GRIA4: variants seen among roughly 807,000 people sequenced by gnomAD.
GRIA4 encodes the protein glutamate ionotropic receptor AMPA type subunit 4.
Under a neutral mutation model 104.0 loss-of-function variants are expected in GRIA4, and 34 were observed. The observed-to-expected ratio is 0.33, with a 90% CI of 0.25 to 0.44. The LOEUF (loss-of-function observed/expected upper bound fraction) is 0.44. GRIA4 is among the 20% of genes least tolerant of loss of function. The pLI, the probability that GRIA4 is intolerant of heterozygous loss-of-function variation, is 1.00. For synonymous variants in GRIA4, 386 were observed against 381.9 expected (o/e 1.01, Z -0.13); for missense variants, 750 against 1,096.5 (o/e 0.68, Z 4.46).
intron 3 of GRIA4, among the ~76,000 whole-genome samples, chr11:105,750,601 A>G (rs1015336398): frequency 6.6e-6 from 1 of 152,180 alleles, no homozygotes; most frequent in African/African-American, 2.4e-5. Flanking sequence ...ATAATAAATT[A>G]AAATATTAAA....
intron 13 of GRIA4, among the ~76,000 whole-genome samples, chr11:105,933,131 A>G (rs1348002619): frequency 1.3e-5 from 2 of 151,894 alleles, no homozygotes; most frequent in Non-Finnish European, 1.5e-5. Context: ...AGTCCAAGCT[A>G]TGCAGGAGGC....
At chr11:105,637,188 A>G (rs986698110) in intron 3 of GRIA4, among the ~76,000 whole-genome samples, 2 of 133,552 alleles carry the variant, frequency 1.5e-5, no homozygotes, top group African/African-American at 5.8e-5. Flanking sequence ...ATGAGGTATG[A>G]TTAGAAGCTT....
At chr11:105,690,896 AGT>A (rs1953060529) in intron 3 of GRIA4, among the ~76,000 whole-genome samples, 1 of 152,180 alleles carries the variant, frequency 6.6e-6, no homozygotes, top group South Asian at 2.1e-4. Context: ...AAACTCCATG[AGT>A]TAATTGGCCA....
At chr11:105,631,157 C>A (rs754949631) in intron 3 of GRIA4, among the ~76,000 whole-genome samples, 5 of 152,114 alleles carry the variant, frequency 3.3e-5, no homozygotes, top group Non-Finnish European at 7.4e-5. Context: ...TCTCTTTGCT[C>A]CTAAGTAGCT....
At chr11:105,640,863 G>A (rs1951339973) in intron 3 of GRIA4, among the ~76,000 whole-genome samples, 1 of 151,714 alleles carries the variant, frequency 6.6e-6, no homozygotes, top group Non-Finnish European at 1.5e-5. Flanking sequence ...TTTTTAATAT[G>A]TTTCTCAATA....
intron 14 of GRIA4, among the ~76,000 whole-genome samples, chr11:105,943,869 G>T (rs1239705177): frequency 2.7e-5 from 4 of 150,690 alleles, no homozygotes; most frequent in Non-Finnish European, 5.9e-5. Context: ...AACAGGAAAT[G>T]CTCTCTCTCT....
chr11:105,779,368 G>A (rs1014272137), intron 4 of GRIA4, among the ~76,000 whole-genome samples: 1 of 152,106 alleles, frequency 6.6e-6, no homozygotes, highest in Non-Finnish European at 1.5e-5. Flanking sequence ...TACTGCCCAA[G>A]GTAATTTATA....
chr11:105,880,585 T>C (rs1179996475), intron 5 of GRIA4, among the ~76,000 whole-genome samples: 5 of 152,172 alleles, frequency 3.3e-5, no homozygotes, highest in African/African-American at 9.6e-5. Flanking sequence ...AGGATGGAAC[T>C]GAAGGTCATT....
chr11:105,725,103 T>C (rs1938113798), intron 3 of GRIA4, among the ~76,000 whole-genome samples: 1 of 152,156 alleles, frequency 6.6e-6, no homozygotes, highest in African/African-American at 2.4e-5. Flanking sequence ...GTATGAGGAT[T>C]CATTCATATC....
In GRIA4 at chr11:105,876,715, TA is replaced by T. The variant is rs575370443; in HGVS notation, c.673-10803del. ...ATCTTTGTTGATTTAAAGCCTGTTT[TA>T]TCAGAGACTAGGATTGCAACCCCTG... is the stretch of plus-strand genomic sequence containing the variant. On this transcript the variant is annotated intron_variant, in intron 5 of 16. Transcript: ENST00000282499. 1.4e-4 allele frequency among the ~76,000 whole-genome samples: 22 copies of T among 152,352 alleles called. 1 individual carries two copies. The South Asian group carries it at 4.3e-3, about 30-fold the overall frequency.
At chr11:105,704,378 T>C (rs1953617721) in intron 3 of GRIA4, among the ~76,000 whole-genome samples, 1 of 151,996 alleles carries the variant, frequency 6.6e-6, no homozygotes, top group African/African-American at 2.4e-5. Flanking sequence ...CATGAGAGCA[T>C]TACAAACTGA....
intron 3 of GRIA4, among the ~76,000 whole-genome samples, chr11:105,751,815 A>G (rs1940015344): frequency 6.6e-6 from 1 of 152,208 alleles, no homozygotes; most frequent in Non-Finnish European, 1.5e-5. Context: ...TTCATAGCAT[A>G]GCACTTTTAC....
In GRIA4 at chr11:105,979,944, A is replaced by T; in HGVS notation, c.*205A>T. 22 of 424,374 alleles carry T rather than the reference A, an allele frequency of 5.2e-5. No individual in the cohort carries two copies. The highest frequency in any genetic ancestry group is 7.8e-5 in the Non-Finnish European group (18 of 230,438). 26.3% of individuals were successfully genotyped at this position (424,374 alleles called of 1,614,324 possible). The stretch of plus-strand genomic sequence containing the variant: ...GAAACCCAAACTCAGATTTTATATC[A>T]GGAAAACTCACAATTGAGGTTTTTT... On this transcript the variant is annotated 3_prime_UTR_variant, in exon 17 of 17. Transcript: ENST00000282499.
At chr11:105,626,082 G>A (rs924669948) in intron 3 of GRIA4, among the ~76,000 whole-genome samples, 4 of 152,052 alleles carry the variant, frequency 2.6e-5, no homozygotes, top group Non-Finnish European at 4.4e-5. Flanking sequence ...TTTTAGGTCC[G>A]TGTGGGCAGT....
intron 3 of GRIA4, among the ~76,000 whole-genome samples, chr11:105,739,283 A>G (rs1029150452): frequency 5.3e-5 from 8 of 152,166 alleles, no homozygotes; most frequent in African/African-American, 1.9e-4. Context: ...ACAAGCCTGT[A>G]TATTTTTACT....
At chr11:105,855,767 A>T (rs1320766121) in intron 4 of GRIA4, among the ~76,000 whole-genome samples, 1 of 152,140 alleles carries the variant, frequency 6.6e-6, no homozygotes, top group East Asian at 1.9e-4. Flanking sequence ...GAATATTCAA[A>T]ATCTACAGAT....
chr11:105,910,444 T>A lies in GRIA4; in HGVS notation c.1168T>A (p.Trp390Arg). 2 of 1,545,114 alleles carry A rather than the reference T, an allele frequency of 1.3e-6. No homozygotes were observed. Among genetic ancestry groups the A allele is most frequent in the Non-Finnish European group, 1.8e-6 (2 of 1,117,138 alleles). ...GTTCTCTATTTGGCAGGTTGGTTAC[T>A]GGAATGATATGGATAAGTTAGTCTT... The part of the protein sequence containing the change: ...KSTGPRKVGY[W>R]NDMDKLVLIQ... Residue 390 changes from tryptophan to arginine, a missense_variant, in exon 10 of 17, where the codon TGG becomes AGG. Physicochemically the swap from Trp to Arg is moderately radical, Grantham distance 101 (BLOSUM62 -3). Transcript: ENST00000282499.
intron 3 of GRIA4, among the ~76,000 whole-genome samples, chr11:105,695,458 G>C (rs1018372699): frequency 3.1e-5 from 4 of 128,404 alleles, no homozygotes; most frequent in Non-Finnish European, 4.9e-5. Flanking sequence ...GTGTGTGTGT[G>C]TCTGTGTGTG....
rs1859237322 is a variant in GRIA4, at chr11:105,981,215, A to G, written c.*1476A>G. 2 of 152,652 alleles carry G rather than the reference A, an allele frequency of 1.3e-5. No homozygotes were observed. Among genetic ancestry groups the G allele is most frequent in the Non-Finnish European group, 2.9e-5 (2 of 68,042 alleles). 9.5% of individuals were successfully genotyped at this position (152,652 alleles called of 1,614,324 possible). On this transcript the variant is annotated 3_prime_UTR_variant, in exon 17 of 17. Transcript: ENST00000282499. ...GAAGGTTTGGTTCATTTGAAATAATAAATAAGTACTCTAATACAGATAAAA... is the reference window on the plus strand; with the variant it reads ...GAAGGTTTGGTTCATTTGAAATAATGAATAAGTACTCTAATACAGATAAAA...
Sources: gnomAD v4.1 joint callset for allele counts (sites outside exome capture counted in the v4.1 genomes callset) on GRCh38, gnomAD v4.1.1 for gene constraint, MANE v1.5 for transcripts, NCBI Gene and HGNC (gene_info 2026-07-23, HGNC 2026-07-21) for gene names.